CD6: variants seen among roughly 807,000 people sequenced by gnomAD.
CD6 encodes the protein CD6 molecule, also known as T-cell differentiation antigen CD6.
CD6 carries 53 observed loss-of-function variants against 75.3 expected under a neutral mutation model. That is an observed-to-expected ratio of 0.70 (90% CI 0.56 to 0.88). The LOEUF is 0.88. Among genes scored for constraint, CD6 ranks in the 40% least tolerant of loss-of-function variants. The pLI is 0.00. For missense variants in CD6, 770 were observed against 897.1 expected, an observed-to-expected ratio of 0.86 and a Z score of 1.81; for synonymous variants, 359 against 381.5, an observed-to-expected ratio of 0.94 and a Z score of 0.69.
At chr11:60,981,217 C>G (rs559945942) in intron 1 of CD6, among the ~76,000 whole-genome samples, 37 of 152,316 alleles carry the variant, frequency 2.4e-4, no homozygotes, top group African/African-American at 8.2e-4. Flanking sequence ...AGGAGGTATG[C>G]GCTACTATTT....
intron 1 of CD6, among the ~76,000 whole-genome samples, chr11:60,998,332 AAG>A (rs1858404218): frequency 6.6e-6 from 1 of 152,240 alleles, no homozygotes; most frequent in African/African-American, 2.4e-5. Flanking sequence ...GGCATACAGT[AAG>A]TGCTCAAGAG....
intron 1 of CD6, among the ~76,000 whole-genome samples, chr11:61,005,808 G>A (rs922825248): frequency 6.6e-6 from 1 of 152,098 alleles, no homozygotes. Flanking sequence ...GCGCATGCCT[G>A]TAATCCCAGC....
In CD6 at chr11:60,994,465, A is replaced by AAAAAAAAAAAAAAAC. The variant is rs1554993198; in HGVS notation, c.50-12103_50-12102insAAAAAAAACAAAAAA. 1.7e-3 allele frequency among the ~76,000 whole-genome samples: 236 copies of AAAAAAAAAAAAAAAC among 138,364 alleles called. 5 individuals are homozygous for AAAAAAAAAAAAAAAC. Among genetic ancestry groups the AAAAAAAAAAAAAAAC allele is most frequent in the Non-Finnish European group, 2.8e-3 (173 of 61,958 alleles). The allele number at this position is 138,364 out of a possible 152,430, so 90.8% of individuals were successfully genotyped here. A position where few individuals can be genotyped will look rare whatever the true frequency, so the allele number is the denominator to read the frequency against. ...CTCCCCAACACCCCCGCCAAAAAAA[A>AAAAAAAAAAAAAAAC]AAAAAAGCTGAATTTCTTTGACCTG... On this transcript the variant is annotated intron_variant, in intron 1 of 12. Coordinates refer to ENST00000313421, the MANE Select transcript of CD6 (RefSeq NM_006725.5).
chr11:60,993,382 A>G (rs551678455), intron 1 of CD6, among the ~76,000 whole-genome samples: 7 of 151,918 alleles, frequency 4.6e-5, no homozygotes, highest in Middle Eastern at 3.4e-3. Flanking sequence ...TCTGCCTGGT[A>G]TGGAATGTAG....
intron 1 of CD6, chr11:60,987,929 C>G (rs1461245385): frequency 6.6e-6 from 1 of 152,216 alleles, no homozygotes; most frequent in Admixed American, 6.5e-5. Context: ...TGGCCCAGAG[C>G]CTAGCTGAGA....
chr11:61,010,434 G>A (rs1244252591), intron 5 of CD6, among the ~76,000 whole-genome samples: 2 of 151,560 alleles, frequency 1.3e-5, no homozygotes, highest in African/African-American at 4.9e-5. Flanking sequence ...AATGACTGAG[G>A]CCATTATCCC....
chr11:60,977,770 C>CAG (rs1450497096), intron 1 of CD6, among the ~76,000 whole-genome samples: 1 of 152,148 alleles, frequency 6.6e-6, no homozygotes, highest in Non-Finnish European at 1.5e-5. Flanking sequence ...GCTGGGATTA[C>CAG]AGGCGCCTGA....
intron 1 of CD6, among the ~76,000 whole-genome samples, chr11:60,982,016 G>T (rs1857577103): frequency 7.5e-6 from 1 of 132,802 alleles, no homozygotes; most frequent in Admixed American, 7.7e-5. Context: ...TCTCCATCAG[G>T]ACCCTGAGCT....
At chr11:60,997,378 CAAA>C (rs761587409) in intron 1 of CD6, among the ~76,000 whole-genome samples, 1 of 79,670 alleles carries the variant, frequency 1.3e-5, no homozygotes, top group Non-Finnish European at 2.7e-5. Context: ...GACTCCGTCT[CAAA>C]AAAAAAAAAA....
rs1345917809 is a variant in CD6, at chr11:61,017,551, G to T, written c.1582+1G>T. The T allele has an allele frequency of 2.6e-6, 4 of 1,557,918 alleles. No homozygotes were observed. In the Admixed American group the frequency reaches 7.8e-5, roughly 30 times the overall value. ...TTCCAGATGCCACCCTTGGAGGAAG[G>T]TGAGTCAGGATGGGAAGGGGTGTGA... On this transcript the variant is annotated splice_donor_variant, in intron 10 of 12. Transcript: ENST00000313421. LOFTEE classifies it high-confidence loss of function.
chr11:60,997,091 T>G (rs1858336799), intron 1 of CD6, among the ~76,000 whole-genome samples: 3 of 152,108 alleles, frequency 2.0e-5, no homozygotes, highest in African/African-American at 7.2e-5. Flanking sequence ...ATTTTAAATT[T>G]TTGGCTGGGC....
chr11:61,009,458 C>A, intron 4 of CD6, 114 bp from the exon 5 acceptor site: 2 of 957,370 alleles, frequency 2.1e-6, no homozygotes, highest in Non-Finnish European at 1.5e-6. Context: ...GGAGAAGACA[C>A]AAGATCTGGA....
At chr11:61,013,274 C>T (rs1415435880) in intron 6 of CD6, 149 bp from the exon 7 acceptor site, 2 of 885,590 alleles carry the variant, frequency 2.3e-6, no homozygotes, top group Non-Finnish European at 3.5e-6. Flanking sequence ...ACACCACACA[C>T]TTAAAAGCAA....
At chr11:60,997,326 C>T (rs539689793) in intron 1 of CD6, among the ~76,000 whole-genome samples, 1 of 150,544 alleles carries the variant, frequency 6.6e-6, no homozygotes, top group East Asian at 1.9e-4. Context: ...TGCGGTGAGC[C>T]CAAGATCATA....
rs1167627758 is a variant in CD6, at chr11:61,007,652, G to T, written c.211G>T (p.Gly71Trp). ...CGAGGCGTCCTGGGAGCCCGCGTGC[G>T]GGGCGCTCTGGGACAGCCGCGCCGC... is the stretch of plus-strand genomic sequence containing the variant. ...RLEASWEPAC[G>W]ALWDSRAAEA... The change falls in exon 3 of 13, where the codon GGG becomes TGG. Residue 71 changes from glycine (G) to tryptophan (W), a missense_variant. By Grantham distance (184) the Gly-to-Trp change is radical. Coordinates refer to ENST00000313421, the MANE Select transcript of CD6 (RefSeq NM_006725.5). This position sits in a 1 kb window ranked among gnomAD's most constrained non-coding sequence, Gnocchi z 4.2. 1 of 1,460,352 alleles carries T rather than the reference G, an allele frequency of 6.8e-7. No homozygotes were observed. Among genetic ancestry groups the T allele is most frequent in the African/African-American group, 1.5e-5 (1 of 67,610 alleles). 90.5% of individuals were successfully genotyped at this position (1,460,352 alleles called of 1,614,324 possible).
At chr11:60,984,522 C>T (rs1395286693) in intron 1 of CD6, among the ~76,000 whole-genome samples, 1 of 152,212 alleles carries the variant, frequency 6.6e-6, no homozygotes, top group Non-Finnish European at 1.5e-5. Context: ...ATTTGTTGAG[C>T]TACTAGTATG....
chr11:60,988,519 A>G (rs1034717650), intron 1 of CD6, among the ~76,000 whole-genome samples: 18 of 152,288 alleles, frequency 1.2e-4, no homozygotes, highest in Middle Eastern at 6.8e-3. Context: ...TGTTGTTAGG[A>G]CATGGATGGG....
intron 1 of CD6, chr11:60,985,207 G>A (rs1314782137): frequency 2.0e-5 from 2 of 99,800 alleles, no homozygotes; most frequent in Admixed American, 3.0e-4. Context: ...TTTTGAGACT[G>A]AGTTTCGCTC....
In CD6 at chr11:61,007,714, G is replaced by T; in HGVS notation, c.273G>T (p.Ala91=). The T allele has an allele frequency of 7.2e-7, 1 of 1,391,386 alleles. No homozygotes were observed. 86.2% of individuals were successfully genotyped at this position (1,391,386 alleles called of 1,614,324 possible). ...GCCGAGCACTGGGCTGCGGCGGGGC[G>T]GAGGCCGCCTCTCAGCTCGCCCCGC... The part of the protein sequence containing the change: ...AVCRALGCGG[A]EAASQLAPPT... The change falls in exon 3 of 13, where the codon GCG becomes GCT. Residue 91 remains alanine, a synonymous_variant. Transcript: ENST00000313421. This position sits in a 1 kb window ranked among gnomAD's most constrained non-coding sequence, Gnocchi z 4.2.
Sources: gnomAD v4.1 joint callset for allele counts (sites outside exome capture counted in the v4.1 genomes callset) on GRCh38, gnomAD v4.1.1 for gene constraint, Gnocchi (gnomAD v3.1) non-coding constraint, MANE v1.5 for transcripts, NCBI Gene and HGNC (gene_info 2026-07-23, HGNC 2026-07-21) for gene names.